The following RBFOX1 variants were observed in gnomAD, a reference collection of about 807,000 sequenced individuals.
The protein encoded by RBFOX1 is RNA binding protein fox-1 homolog 1.
In RBFOX1, 8 loss-of-function variants were observed where a neutral mutation model predicts 57.7. That is an observed-to-expected ratio of 0.14 (90% confidence interval 0.08 to 0.25). The LOEUF (loss-of-function observed/expected upper bound fraction) is 0.25, where lower values mean the gene tolerates loss of function less well. Ranked by LOEUF, RBFOX1 falls within the 10% of genes least tolerant of loss-of-function variation. The probability of loss-of-function intolerance (pLI) is 1.00; values close to 1 mark genes in which losing one functional copy is unlikely to be tolerated. For missense variants in RBFOX1, 611 were observed against 548.5 expected, an observed-to-expected ratio of 1.11 and a Z score of -1.14; for synonymous variants, 326 against 222.4, an observed-to-expected ratio of 1.47 and a Z score of -4.15.
chr16:5,833,352 G>A (rs1238553756), intron 3 of RBFOX1, among the ~76,000 whole-genome samples: 3 of 151,868 alleles, frequency 2.0e-5, no homozygotes, highest in African/African-American at 4.8e-5. Context: ...AGAATTAGCC[G>A]GGCATGGTGG....
intron 4 of RBFOX1, among the ~76,000 whole-genome samples, chr16:7,364,512 T>C (rs2097398037): frequency 6.6e-6 from 1 of 151,144 alleles, no homozygotes; most frequent in Non-Finnish European, 1.5e-5. Flanking sequence ...ACTTGGACTA[T>C]CTTTGGCAAG....
rs563352389 is a variant in RBFOX1, at chr16:6,759,061, G to A, written c.-16+104411G>A. 6.6e-5 allele frequency among the ~76,000 whole-genome samples: 10 copies of A among 152,092 alleles called. No homozygotes were observed. In the South Asian group the frequency reaches 1.0e-3, roughly 16 times the overall value. On this transcript the variant is annotated intron_variant, in intron 3 of 15. Coordinates refer to ENST00000550418, the MANE Select transcript of RBFOX1 (RefSeq NM_018723.4). ...CCTCTTTCTTGCATTTAAGGTTCCCGTTATGAAACAGAAAACAAGATTATA... is the reference window on the plus strand; with the variant it reads ...CCTCTTTCTTGCATTTAAGGTTCCCATTATGAAACAGAAAACAAGATTATA...
chr16:6,517,010 A>G (rs1440741087), intron 2 of RBFOX1, among the ~76,000 whole-genome samples: 3 of 152,166 alleles, frequency 2.0e-5, no homozygotes, highest in Non-Finnish European at 2.9e-5. Context: ...ATAAATTCCT[A>G]CTAGTGTAGA....
intron 3 of RBFOX1, among the ~76,000 whole-genome samples, chr16:6,756,089 C>G (rs186110888): frequency 6.6e-6 from 1 of 152,110 alleles, no homozygotes; most frequent in Non-Finnish European, 1.5e-5. Context: ...ACCCTTTTTG[C>G]AAGTTTTATT....
intron 4 of RBFOX1, among the ~76,000 whole-genome samples, chr16:7,454,356 A>G (rs1347842946): frequency 6.6e-6 from 1 of 152,194 alleles, no homozygotes; most frequent in Non-Finnish European, 1.5e-5. Context: ...CCTCTTGACC[A>G]GTGTCTTGCC....
At chr16:6,870,156 G>C (rs2060620451) in intron 3 of RBFOX1, among the ~76,000 whole-genome samples, 1 of 152,058 alleles carries the variant, frequency 6.6e-6, no homozygotes, top group Non-Finnish European at 1.5e-5. Flanking sequence ...TCACAGGATG[G>C]TGATGAATGA....
At chr16:7,161,317 G>A (rs553612087) in intron 4 of RBFOX1, among the ~76,000 whole-genome samples, 12 of 151,678 alleles carry the variant, frequency 7.9e-5, no homozygotes, top group Non-Finnish European at 1.3e-4. Flanking sequence ...TTTGCTAACC[G>A]TTTTAAATGA....
At chr16:6,977,393 C>A (rs552198763) in intron 3 of RBFOX1, among the ~76,000 whole-genome samples, 2 of 152,002 alleles carry the variant, frequency 1.3e-5, no homozygotes, top group South Asian at 4.1e-4. Context: ...TGGACACTCG[C>A]AAGTCTGGTT....
intron 2 of RBFOX1, among the ~76,000 whole-genome samples, chr16:6,406,171 T>C (rs566870215): frequency 2.0e-5 from 3 of 152,238 alleles, no homozygotes; most frequent in Non-Finnish European, 4.4e-5. Flanking sequence ...AATCCTATGC[T>C]TTTCACTGAA....
intron 3 of RBFOX1, among the ~76,000 whole-genome samples, chr16:6,891,753 G>A (rs1472551958): frequency 6.6e-6 from 1 of 152,128 alleles, no homozygotes; most frequent in Non-Finnish European, 1.5e-5. Flanking sequence ...GGTGCAATCT[G>A]TCTTCAATCC....
At chr16:7,098,950 T>C (rs538526053) in intron 4 of RBFOX1, among the ~76,000 whole-genome samples, 14 of 152,268 alleles carry the variant, frequency 9.2e-5, no homozygotes, top group South Asian at 8.3e-4. Flanking sequence ...TCAACTGATA[T>C]TGAGCTGGTT....
At chr16:6,216,132 G>A (rs1263983540) in intron 1 of RBFOX1, among the ~76,000 whole-genome samples, 1 of 152,074 alleles carries the variant, frequency 6.6e-6, no homozygotes, top group African/African-American at 2.4e-5. Context: ...CCTTTTGGAG[G>A]GTGGGGAGTT....
intron 3 of RBFOX1, among the ~76,000 whole-genome samples, chr16:6,725,068 T>G (rs1422770352): frequency 7.5e-6 from 1 of 133,264 alleles, no homozygotes; most frequent in Non-Finnish European, 1.6e-5. Context: ...CTTTTTTTTT[T>G]GAGACAAAGT....
At chr16:6,367,305 C>T (rs2152884091) in intron 2 of RBFOX1, among the ~76,000 whole-genome samples, 1 of 151,868 alleles carries the variant, frequency 6.6e-6, no homozygotes, top group East Asian at 1.9e-4. Context: ...TAGTCTCACA[C>T]CGTTGCCTGG....
At chr16:5,939,047 A>G (rs2059227560) in intron 4 of RBFOX1, among the ~76,000 whole-genome samples, 1 of 151,966 alleles carries the variant, frequency 6.6e-6, no homozygotes, top group African/African-American at 2.4e-5. Flanking sequence ...AACAATGAGA[A>G]CACTTGGACA....
intron 2 of RBFOX1, among the ~76,000 whole-genome samples, chr16:6,629,972 TTAAAA>T (rs1311190196): frequency 5.3e-5 from 4 of 75,818 alleles, no homozygotes; most frequent in African/African-American, 2.0e-4. Flanking sequence ...TTTTTTTTTT[TTAAAA>T]AAAAAAAAGA....
chr16:7,677,132 T>TACACACACACACACACACACAC (rs59379802), intron 14 of RBFOX1, among the ~76,000 whole-genome samples: 10,442 of 137,548 alleles, frequency 0.076, 614 homozygotes, highest in Non-Finnish European at 0.1. Context: ...CACATACACA[T>TACACACACACACACACACACAC]ACACACACAC....
At chr16:7,120,216 T>C (rs937214466) in intron 4 of RBFOX1, among the ~76,000 whole-genome samples, 1 of 152,054 alleles carries the variant, frequency 6.6e-6, no homozygotes, top group Non-Finnish European at 1.5e-5. Flanking sequence ...TAATGCTAAG[T>C]GCTTCTATTA....
At chr16:5,290,112 A>C (rs2063497057) in intron 1 of RBFOX1, among the ~76,000 whole-genome samples, 1 of 152,232 alleles carries the variant, frequency 6.6e-6, no homozygotes. Flanking sequence ...AAGTGGAAGA[A>C]ACCAGTCACA....
Sources: allele counts gnomAD v4.1 joint callset (sites outside exome capture counted in the v4.1 genomes callset), GRCh38; gene constraint gnomAD v4.1.1; transcripts MANE v1.5; gene names NCBI Gene and HGNC (gene_info 2026-07-23, HGNC 2026-07-21).